The following ZNRF1 variants were observed in gnomAD, a reference collection of about 807,000 sequenced individuals.
The protein encoded by ZNRF1 is E3 ubiquitin-protein ligase ZNRF1.
ZNRF1 carries 3 observed loss-of-function variants against 18.4 expected under a neutral mutation model. The observed-to-expected ratio is 0.16, with a 90% confidence interval of 0.07 to 0.42. The LOEUF (loss-of-function observed/expected upper bound fraction) is 0.42. ZNRF1 is among the 10% of genes least tolerant of loss of function. The probability of loss-of-function intolerance (pLI) is 0.99; values close to 1 mark genes in which losing one functional copy is unlikely to be tolerated. For synonymous variants in ZNRF1, 157 were observed against 144.2 expected (o/e 1.09, Z -0.64); for missense variants, 310 against 329.8 (o/e 0.94, Z 0.47).
intron 1 of ZNRF1, among the ~76,000 whole-genome samples, chr16:75,010,811 A>G (rs963721161): frequency 2.0e-5 from 3 of 147,520 alleles, no homozygotes; most frequent in Admixed American, 6.9e-5. Flanking sequence ...CCTGGGCTCA[A>G]GCAATTCTCT....
intron 1 of ZNRF1, among the ~76,000 whole-genome samples, chr16:75,080,665 C>G (rs2035999067): frequency 1.3e-5 from 2 of 152,228 alleles, no homozygotes; most frequent in Admixed American, 6.5e-5. Context: ...CACACACACT[C>G]CATAAAAAAG....
chr16:75,091,875 A>G (rs548874777), intron 1 of ZNRF1, among the ~76,000 whole-genome samples: 1 of 152,236 alleles, frequency 6.6e-6, no homozygotes, highest in East Asian at 1.9e-4. Context: ...CTTAACTACT[A>G]ATAGCCTACT....
intron 1 of ZNRF1, among the ~76,000 whole-genome samples, chr16:75,078,583 GCCACCACGCC>G (rs1567488799): frequency 2.0e-5 from 3 of 152,110 alleles, no homozygotes; most frequent in African/African-American, 7.2e-5. Flanking sequence ...ACAGGCGTGA[GCCACCACGCC>G]TGGCCACACA....
chr16:75,033,617 G>T (rs1405910509), intron 1 of ZNRF1, among the ~76,000 whole-genome samples: 1 of 151,656 alleles, frequency 6.6e-6, no homozygotes, highest in African/African-American at 2.4e-5. Flanking sequence ...TTGTATTTTT[G>T]GTAGAAGCGG....
chr16:75,105,996 G>A, intron 3 of ZNRF1: 1 of 159,370 alleles, frequency 6.3e-6, no homozygotes, highest in Non-Finnish European at 1.4e-5. Flanking sequence ...CACCCACTGG[G>A]AGGGAGCTTC....
chr16:75,052,263 T>A (rs2035615730), intron 1 of ZNRF1, among the ~76,000 whole-genome samples: 1 of 152,056 alleles, frequency 6.6e-6, no homozygotes, highest in Admixed American at 6.6e-5. Context: ...TACCTGGGTG[T>A]GGTGGCGTGC....
At chr16:75,074,673 G>A (rs1194749183) in intron 1 of ZNRF1, among the ~76,000 whole-genome samples, 1 of 152,174 alleles carries the variant, frequency 6.6e-6, no homozygotes, top group African/African-American at 2.4e-5. Context: ...GGGAAAATCA[G>A]ATAGGACTGA....
intron 1 of ZNRF1, among the ~76,000 whole-genome samples, chr16:75,033,214 G>A (rs1213291364): frequency 2.7e-5 from 4 of 148,498 alleles, no homozygotes; most frequent in African/African-American, 5.0e-5. Flanking sequence ...GGTATTCTCA[G>A]GCTTTCAAAT....
In ZNRF1 at chr16:75,029,575, T is replaced by A. The variant is rs1045488435; in HGVS notation, c.424+29480T>A. Among the ~76,000 whole-genome samples, 5 of 150,060 alleles carry A rather than the reference T, an allele frequency of 3.3e-5. No individual in the cohort carries two copies. In the East Asian group the frequency reaches 9.9e-4, roughly 30 times the overall value. On this transcript the variant is annotated intron_variant, in intron 1 of 4. Coordinates refer to ENST00000335325, the MANE Select transcript of ZNRF1 (RefSeq NM_032268.5). ...TGAGGTCAGGAGTTCAAGACCAGCC[T>A]GGCCAACATGGTGAAAACCCATCTC...
In ZNRF1 at chr16:74,999,059, C is replaced by T. The variant is rs1157632862; in HGVS notation, c.-613C>T. On this transcript the variant is annotated 5_prime_UTR_variant, in exon 1 of 5. Transcript: ENST00000335325. Reference sequence around the variant, plus strand: ...CGGCGGCGAGGAGCGCCGGCGAGCGCAGCCCGGGACCGAGCGGGGCGGCGC... The same window carrying T: ...CGGCGGCGAGGAGCGCCGGCGAGCGTAGCCCGGGACCGAGCGGGGCGGCGC... The T allele has an allele frequency of 7.3e-5, 11 of 150,282 alleles. No homozygotes were observed. The highest frequency in any genetic ancestry group is 1.6e-4 in the Non-Finnish European group (11 of 67,394). The allele number at this position is 150,282 out of a possible 1,614,324, so 9.3% of individuals were successfully genotyped here.
Position 75,104,805 on chromosome 16 carries a change from C to G in ZNRF1, c.542C>G (p.Ala181Gly), listed in dbSNP as rs759276133. 3 of 1,609,090 alleles carry G rather than the reference C, an allele frequency of 1.9e-6. No individual in the cohort carries two copies. The highest frequency in any genetic ancestry group is 3.4e-5 in the Admixed American group (2 of 59,236). ...GCAGATGATGTGCTGACTAAAGACG[C>G]GGGTGAGTGTGTGATCTGCCTGGAG... ...SYNDDVLTKD[A>G]GECVICLEEL... Residue 181 changes from alanine (A) to glycine (G), a missense_variant, in exon 3 of 5, where the codon GCG (alanine) becomes GGG (glycine). By Grantham distance (60) the Ala-to-Gly change is moderately conservative. Around this residue, in one of 2 missense-constraint regions of ZNRF1, gnomAD observed 293 missense variants for 291.2 expected, o/e 1.01. Coordinates refer to ENST00000335325, the MANE Select transcript of ZNRF1 (RefSeq NM_032268.5).
intron 1 of ZNRF1, among the ~76,000 whole-genome samples, chr16:75,001,841 T>A (rs977700592): frequency 6.6e-6 from 1 of 152,200 alleles, no homozygotes; most frequent in Non-Finnish European, 1.5e-5. Flanking sequence ...GAGCTTGTAG[T>A]TGGATTCCAG....
At chr16:75,040,968 C>T (rs1022672422) in intron 1 of ZNRF1, among the ~76,000 whole-genome samples, 2 of 152,086 alleles carry the variant, frequency 1.3e-5, no homozygotes, top group African/African-American at 2.4e-5. Context: ...GTGCTGACAT[C>T]GGTAGTTTTT....
intron 1 of ZNRF1, among the ~76,000 whole-genome samples, chr16:75,086,665 A>T (rs939229879): frequency 6.6e-6 from 1 of 152,210 alleles, no homozygotes; most frequent in Non-Finnish European, 1.5e-5. Flanking sequence ...AAATTAGTTT[A>T]TTCAAGTCCC....
chr16:75,014,429 A>T (rs762119490), intron 1 of ZNRF1, among the ~76,000 whole-genome samples: 2 of 152,224 alleles, frequency 1.3e-5, no homozygotes, highest in African/African-American at 2.4e-5. Flanking sequence ...GTGTGTGTAT[A>T]TATGCTACCT....
intron 2 of ZNRF1, among the ~76,000 whole-genome samples, chr16:75,094,717 TCTC>T (rs775807498): frequency 2.0e-5 from 3 of 152,198 alleles, no homozygotes; most frequent in South Asian, 4.2e-4. Context: ...CCCACAGACT[TCTC>T]CTCAGTGCTG....
chr16:75,073,584 C>T (rs544532790), intron 1 of ZNRF1, among the ~76,000 whole-genome samples: 1 of 152,236 alleles, frequency 6.6e-6, no homozygotes, highest in South Asian at 2.1e-4. Flanking sequence ...GTGTTTTTAA[C>T]TTAGGTAAAA....
intron 1 of ZNRF1, among the ~76,000 whole-genome samples, chr16:75,092,237 A>G (rs973764042): frequency 2.0e-5 from 3 of 152,224 alleles, no homozygotes; most frequent in African/African-American, 4.8e-5. Context: ...AAAGGTCTTC[A>G]TCGTGTTCAC....
At position 75,091,532 on chromosome 16, in the gene ZNRF1, C is replaced by CTT. The variant is rs577306133; in HGVS notation, c.425-2023_425-2022dup. 1.9e-3 allele frequency among the ~76,000 whole-genome samples: 240 copies of CTT among 129,094 alleles called. 5 individuals are homozygous for CTT. The highest frequency in any genetic ancestry group is 2.6e-3 in the South Asian group (10 of 3,780). The allele number at this position is 129,094 out of a possible 152,430, so 84.7% of individuals were successfully genotyped here. ...CACACAGTCAAAAATCTGCATATAA[C>CTT]TTTTTTTTTTTTTTTTTTGAGACAG... On this transcript the variant is annotated intron_variant, in intron 1 of 4. Transcript: ENST00000335325.
Sources: allele counts gnomAD v4.1 joint callset (sites outside exome capture counted in the v4.1 genomes callset), GRCh38; gene constraint gnomAD v4.1.1; regional missense constraint gnomAD v4.1.1; transcripts MANE v1.5; gene names NCBI Gene and HGNC (gene_info 2026-07-23, HGNC 2026-07-21).